LZTFL1: variants seen among roughly 807,000 people sequenced by gnomAD.
The protein encoded by LZTFL1 is leucine zipper transcription factor-like protein 1.
In LZTFL1, 25 loss-of-function variants were observed where a neutral mutation model predicts 45.9. That is an observed-to-expected ratio of 0.54 (90% CI 0.40 to 0.76). LZTFL1 has a LOEUF of 0.76. LZTFL1 is among the 30% of genes least tolerant of loss of function. LZTFL1 has a pLI of 0.00. For missense variants in LZTFL1, 277 were observed against 331.1 expected (o/e 0.84, Z 1.27); for synonymous variants, 93 against 117.4 (o/e 0.79, Z 1.35).
rs1701134547 is a variant in LZTFL1 at position 45,842,053 on chromosome 3, C to A, written c.-62G>T. ...GAGGCCAGGCGGTGCCCCGCCAAGC[C>A]TGGGATCGCCGAGGGTAGTTGGACC... On this transcript the variant is annotated 5_prime_UTR_variant, in exon 1 of 10. It adds an upstream start codon to the 5' untranslated region. Transcript: ENST00000296135. 1.0e-5 allele frequency: 16 copies of A among 1,602,102 alleles called. No individual in the cohort carries two copies. The highest frequency in any genetic ancestry group is 1.4e-5 in the Non-Finnish European group (16 of 1,175,914).
At chr3:45,848,322 C>G (rs1385548733) in intron 4 of LZTFL1, among the ~76,000 whole-genome samples, 1 of 152,200 alleles carries the variant, frequency 6.6e-6, no homozygotes, top group African/African-American at 2.4e-5. Flanking sequence ...CAGCTGCAGA[C>G]CTAAATCTAT....
At chr3:45,889,142 G>C (rs1702069024) in intron 2 of LZTFL1, among the ~76,000 whole-genome samples, 1 of 152,014 alleles carries the variant, frequency 6.6e-6, no homozygotes, top group South Asian at 2.1e-4. Flanking sequence ...AGGCAACCAT[G>C]CCTGGCATAT....
Position 45,861,943 on chromosome 3 carries a change from G to A in LZTFL1, c.-214-2927C>T, listed in dbSNP as rs529343955. ...AGCCATGTGGCTTGCCTAAGGTACC[G>A]AGTTTTTGTCAAAGTATTTTATTCC... is the stretch of plus-strand genomic sequence containing the variant. On this transcript the variant is annotated intron_variant, in intron 2 of 4. Transcript: ENST00000472635. 3.9e-5 allele frequency among the ~76,000 whole-genome samples: 6 copies of A among 152,294 alleles called. No homozygotes were observed. The East Asian group carries it at 5.8e-4, about 15-fold the overall frequency.
At chr3:45,829,098 T>A (rs1700745505) in intron 7 of LZTFL1, among the ~76,000 whole-genome samples, 1 of 152,208 alleles carries the variant, frequency 6.6e-6, no homozygotes, top group Non-Finnish European at 1.5e-5. Flanking sequence ...AATTACTGAT[T>A]ACATGGTTTT....
At chr3:45,902,047 T>C in intron 2 of LZTFL1, 1 of 721,250 alleles carries the variant, frequency 1.4e-6, no homozygotes, top group Non-Finnish European at 2.2e-6. Context: ...AGTCAGAATT[T>C]GCCAAAGCAA....
At chr3:45,832,107 C>T (rs551818287) in intron 5 of LZTFL1, among the ~76,000 whole-genome samples, 48 of 151,846 alleles carry the variant, frequency 3.2e-4, no homozygotes, top group Non-Finnish European at 6.2e-4. Context: ...TGGTGGCAGG[C>T]GCTACTCGGA....
intron 2 of LZTFL1, among the ~76,000 whole-genome samples, chr3:45,899,581 T>A (rs990961347): frequency 6.6e-6 from 1 of 152,100 alleles, no homozygotes; most frequent in Admixed American, 6.5e-5. Context: ...AAAGTAGAGA[T>A]GAGATTTGGC....
intron 2 of LZTFL1, among the ~76,000 whole-genome samples, chr3:45,880,618 C>T (rs1701839768): frequency 6.6e-6 from 1 of 152,198 alleles, no homozygotes; most frequent in Non-Finnish European, 1.5e-5. Context: ...CATGCTCGTG[C>T]CCCTCCAAAT....
chr3:45,848,119 T>TC (rs1297233938), intron 4 of LZTFL1, among the ~76,000 whole-genome samples: 4 of 152,248 alleles, frequency 2.6e-5, no homozygotes, highest in African/African-American at 7.2e-5. Flanking sequence ...CTTCACTTTT[T>TC]CTCAAACTAT....
chr3:45,840,203 T>C (rs1373765495), intron 1 of LZTFL1, among the ~76,000 whole-genome samples: 2 of 152,058 alleles, frequency 1.3e-5, no homozygotes, highest in African/African-American at 4.8e-5. Flanking sequence ...CTGAGAAGGG[T>C]AAATGACAGA....
intron 2 of LZTFL1, among the ~76,000 whole-genome samples, chr3:45,860,583 C>T (rs1164264449): frequency 6.6e-6 from 1 of 151,788 alleles, no homozygotes; most frequent in Non-Finnish European, 1.5e-5. Flanking sequence ...TTTTCTTTGC[C>T]TGAAATTAAT....
intron 7 of LZTFL1, among the ~76,000 whole-genome samples, chr3:45,828,858 A>C (rs1435835773): frequency 6.6e-6 from 1 of 152,152 alleles, no homozygotes; most frequent in Non-Finnish European, 1.5e-5. Flanking sequence ...CTGAATTCCA[A>C]ATACATAAAA....
Position 45,874,494 on chromosome 3 carries a change from C to T in LZTFL1, c.-214-15478G>A, listed in dbSNP as rs574707321. On this transcript the variant is annotated intron_variant, in intron 2 of 4. Transcript: ENST00000472635. ...CTATGGCTTTGAATGGCTCTTCCTTCTCATACTTCAGCTCTGAGAATAAAT... is the reference window on the plus strand; with the variant it reads ...CTATGGCTTTGAATGGCTCTTCCTTTTCATACTTCAGCTCTGAGAATAAAT... Among the ~76,000 whole-genome samples, 32 of 152,262 alleles carry T rather than the reference C, an allele frequency of 2.1e-4. No homozygotes were observed. The East Asian group carries it at 5.6e-3, about 27-fold the overall frequency.
intron 2 of LZTFL1, among the ~76,000 whole-genome samples, chr3:45,910,322 C>T (rs1042266860): frequency 2.0e-5 from 3 of 152,034 alleles, no homozygotes; most frequent in Non-Finnish European, 4.4e-5. Flanking sequence ...TGGGGGTAGA[C>T]ACAATGGTGA....
chr3:45,883,099 G>T (rs1475769836), intron 2 of LZTFL1, among the ~76,000 whole-genome samples: 1 of 152,168 alleles, frequency 6.6e-6, no homozygotes, highest in Non-Finnish European at 1.5e-5. Flanking sequence ...AATTCATAAT[G>T]TGAGATATCA....
chr3:45,899,833 C>A (rs1035265252), intron 2 of LZTFL1, among the ~76,000 whole-genome samples: 2 of 152,162 alleles, frequency 1.3e-5, no homozygotes, highest in Non-Finnish European at 2.9e-5. Context: ...ATCTCAGGGT[C>A]TCATTTCCAG....
At chr3:45,904,980 C>T (rs773743189) in intron 2 of LZTFL1, among the ~76,000 whole-genome samples, 6 of 152,182 alleles carry the variant, frequency 3.9e-5, no homozygotes, top group Non-Finnish European at 8.8e-5. Context: ...CCAGCTTCAC[C>T]GGAGGGTTCT....
At chr3:45,827,914 G>A (rs1700710961) in intron 8 of LZTFL1, among the ~76,000 whole-genome samples, 1 of 151,688 alleles carries the variant, frequency 6.6e-6, no homozygotes, top group South Asian at 2.1e-4. Flanking sequence ...TGTTGGCCAG[G>A]CTGGTCTTGA....
intron 2 of LZTFL1, among the ~76,000 whole-genome samples, chr3:45,888,220 T>G (rs968737931): frequency 1.3e-5 from 2 of 152,212 alleles, no homozygotes; most frequent in Non-Finnish European, 2.9e-5. Flanking sequence ...TTTCTGACTT[T>G]CATGCCTTAG....
Sources: allele counts gnomAD v4.1 joint callset (sites outside exome capture counted in the v4.1 genomes callset), GRCh38; gene constraint gnomAD v4.1.1; transcripts MANE v1.5; gene names NCBI Gene and HGNC (gene_info 2026-07-23, HGNC 2026-07-21).